The following JAZF1 variants were observed in gnomAD, a reference collection of about 807,000 sequenced individuals.
JAZF1 encodes juxtaposed with another zinc finger protein 1.
Under a neutral mutation model 26.4 loss-of-function variants are expected in JAZF1, and 8 were observed. The ratio of observed to expected loss-of-function variants is 0.30; its 90% CI spans 0.18 to 0.55. JAZF1 has a LOEUF of 0.55. Among genes scored for constraint, JAZF1 ranks in the 20% least tolerant of loss-of-function variants. JAZF1 has a pLI of 0.94. For synonymous variants in JAZF1, 126 were observed against 122.3 expected, an observed-to-expected ratio of 1.03 and a Z score of -0.20; for missense variants, 199 against 322.0, an observed-to-expected ratio of 0.62 and a Z score of 2.92.
intron 1 of JAZF1, among the ~76,000 whole-genome samples, chr7:28,103,730 C>G (rs1363589824): frequency 6.6e-6 from 1 of 152,008 alleles, no homozygotes; most frequent in Non-Finnish European, 1.5e-5. Flanking sequence ...CCACTTCCCA[C>G]CACCTTCACA....
At chr7:28,015,825 G>A (rs1008796610) in intron 1 of JAZF1, among the ~76,000 whole-genome samples, 1 of 152,090 alleles carries the variant, frequency 6.6e-6, no homozygotes, top group Admixed American at 6.5e-5. Flanking sequence ...GCACCATGAA[G>A]GGGACCTGCC....
At chr7:28,034,469 T>TACAC (rs59979673) in intron 1 of JAZF1, among the ~76,000 whole-genome samples, 39,610 of 145,168 alleles carry the variant, frequency 0.27, 6,179 homozygotes, top group East Asian at 0.46. Flanking sequence ...AGAAAACTAA[T>TACAC]ACACACACAC....
At chr7:27,967,397 CT>C (rs2128358761) in intron 2 of JAZF1, among the ~76,000 whole-genome samples, 1 of 152,144 alleles carries the variant, frequency 6.6e-6, no homozygotes, top group East Asian at 1.9e-4. Context: ...CATCTTACAG[CT>C]TTCTGACTGT....
chr7:28,050,997 T>A (rs1401228797), intron 1 of JAZF1, among the ~76,000 whole-genome samples: 3 of 151,710 alleles, frequency 2.0e-5, no homozygotes, highest in Non-Finnish European at 4.4e-5. Flanking sequence ...CCAGGCATGG[T>A]GGTGTGCACC....
chr7:28,079,849 A>G (rs1485320881), intron 1 of JAZF1, among the ~76,000 whole-genome samples: 1 of 152,178 alleles, frequency 6.6e-6, no homozygotes, highest in Non-Finnish European at 1.5e-5. Flanking sequence ...AGCACCATGG[A>G]TCAGGGAGTA....
At chr7:27,982,146 C>T (rs760568235) in intron 2 of JAZF1, among the ~76,000 whole-genome samples, 15 of 152,188 alleles carry the variant, frequency 9.9e-5, no homozygotes, top group African/African-American at 2.4e-4. Flanking sequence ...TGGAGCAGGG[C>T]GGGGCATCAC....
At position 27,867,877 on chromosome 7, in the gene JAZF1, G is replaced by C. The variant is rs140865453; in HGVS notation, c.386-27010C>G. Among the ~76,000 whole-genome samples, 8 of 152,282 alleles carry C rather than the reference G, an allele frequency of 5.3e-5. No homozygotes were observed. The East Asian group carries it at 1.5e-3, about 29-fold the overall frequency. ...TGGGCATTGTGGCCAGTTTCAGAGG[G>C]CCAAGGTCTCAGTGGGAGTGCCCAG... On this transcript the variant is annotated intron_variant, in intron 3 of 4. Coordinates refer to ENST00000283928, the MANE Select transcript of JAZF1 (RefSeq NM_175061.4).
Position 28,169,498 on chromosome 7 carries a change from C to T in JAZF1, c.115+10965G>A, listed in dbSNP as rs538231778. On this transcript the variant is annotated intron_variant, in intron 1 of 4. Coordinates refer to ENST00000283928, the MANE Select transcript of JAZF1 (RefSeq NM_175061.4). ...CTGCAAAACACCTGTGTGACACTTGCTATCAGTCCTGAAGATGAGTCATAC... is the reference window on the plus strand; with the variant it reads ...CTGCAAAACACCTGTGTGACACTTGTTATCAGTCCTGAAGATGAGTCATAC... 1.7e-3 allele frequency among the ~76,000 whole-genome samples: 254 copies of T among 152,330 alleles called. 1 individual carries two copies. Among genetic ancestry groups the T allele is most frequent in the African/African-American group, 5.9e-3 (245 of 41,572 alleles).
chr7:28,085,150 G>A (rs1228332616), intron 1 of JAZF1, among the ~76,000 whole-genome samples: 1 of 152,208 alleles, frequency 6.6e-6, no homozygotes, highest in Non-Finnish European at 1.5e-5. Flanking sequence ...AGGTGGCTCA[G>A]TTCATACTAT....
chr7:27,985,825 T>C (rs1320102906), intron 2 of JAZF1, among the ~76,000 whole-genome samples: 1 of 152,046 alleles, frequency 6.6e-6, no homozygotes, highest in East Asian at 1.9e-4. Flanking sequence ...ACGTAATCCA[T>C]CATATAAACA....
chr7:28,035,340 A>AAAAG (rs1554283355), intron 1 of JAZF1, among the ~76,000 whole-genome samples: 178 of 145,356 alleles, frequency 1.2e-3, no homozygotes, highest in East Asian at 4.5e-3. Flanking sequence ...AAAAAAAAAA[A>AAAAG]AAAGAAAGAA....
At chr7:28,065,307 G>C (rs369835589) in intron 1 of JAZF1, among the ~76,000 whole-genome samples, 12 of 152,128 alleles carry the variant, frequency 7.9e-5, no homozygotes, top group African/African-American at 2.7e-4. Context: ...GAGTAGAGGA[G>C]TGGGTGAGAG....
At chr7:28,030,519 A>C (rs940843905) in intron 1 of JAZF1, among the ~76,000 whole-genome samples, 31 of 152,318 alleles carry the variant, frequency 2.0e-4, no homozygotes, top group Non-Finnish European at 4.6e-4. Flanking sequence ...ATAACTCTGC[A>C]TAAGTAAGGG....
chr7:28,008,829 T>C (rs1431357726), intron 1 of JAZF1, among the ~76,000 whole-genome samples: 1 of 152,252 alleles, frequency 6.6e-6, no homozygotes, highest in East Asian at 1.9e-4. Flanking sequence ...TTTGGCTAGC[T>C]TTAAGCTGAG....
chr7:27,859,083 CAAAAG>C (rs1777740853), intron 3 of JAZF1, among the ~76,000 whole-genome samples: 1 of 152,132 alleles, frequency 6.6e-6, no homozygotes. Flanking sequence ...ACACACTTCT[CAAAAG>C]AAGACATTTA....
At chr7:27,999,436 G>A (rs529941615) in intron 1 of JAZF1, among the ~76,000 whole-genome samples, 1 of 152,286 alleles carries the variant, frequency 6.6e-6, no homozygotes, top group South Asian at 2.1e-4. Context: ...GTGAGGCTTA[G>A]TGACAAAAGA....
intron 2 of JAZF1, among the ~76,000 whole-genome samples, chr7:27,959,999 C>A (rs557538154): frequency 2.0e-5 from 3 of 152,112 alleles, no homozygotes; most frequent in Non-Finnish European, 4.4e-5. Context: ...ACAGACTGTA[C>A]CAACGTACTG....
chr7:27,973,962 C>T (rs779543409), intron 2 of JAZF1, among the ~76,000 whole-genome samples: 5 of 151,924 alleles, frequency 3.3e-5, no homozygotes, highest in Admixed American at 1.3e-4. Flanking sequence ...ATTCAAGAGG[C>T]GATGAGGATG....
intron 1 of JAZF1, among the ~76,000 whole-genome samples, chr7:28,093,350 C>T (rs1486879614): frequency 6.6e-6 from 1 of 152,172 alleles, no homozygotes; most frequent in African/African-American, 2.4e-5. Context: ...TTGTCTGCTG[C>T]CATGTAAGAC....
Sources: gnomAD v4.1 joint callset for allele counts (sites outside exome capture counted in the v4.1 genomes callset) on GRCh38, gnomAD v4.1.1 for gene constraint, MANE v1.5 for transcripts, NCBI Gene and HGNC (gene_info 2026-07-23, HGNC 2026-07-21) for gene names.